Variants in CAMSAP2 observed in about 807,000 individuals in gnomAD.
The protein encoded by CAMSAP2 is calmodulin-regulated spectrin-associated protein 2.
Under a neutral mutation model 146.1 loss-of-function variants are expected in CAMSAP2, and 26 were observed. The observed-to-expected ratio is 0.18, with a 90% CI of 0.13 to 0.25. The LOEUF is 0.25. CAMSAP2 is among the 10% of genes least tolerant of loss of function. The probability of loss-of-function intolerance (pLI) is 1.00; values close to 1 mark genes in which losing one functional copy is unlikely to be tolerated. For synonymous variants in CAMSAP2, 499 were observed against 596.6 expected (o/e 0.84, Z 2.38); for missense variants, 1,381 against 1,759.3 (o/e 0.78, Z 3.85).
chr1:200,778,991 G>A (rs1255422854), intron 2 of CAMSAP2, among the ~76,000 whole-genome samples: 3 of 152,104 alleles, frequency 2.0e-5, no homozygotes, highest in African/African-American at 2.4e-5. Flanking sequence ...TGAACAAATC[G>A]TGGAAGGAAT....
chr1:200,798,133 T>C (rs1188671405), intron 2 of CAMSAP2, among the ~76,000 whole-genome samples: 18 of 150,266 alleles, frequency 1.2e-4, no homozygotes, highest in Non-Finnish European at 2.1e-4. Context: ...TCTTTTGGCT[T>C]AGGATTGACT....
At chr1:200,828,626 C>T in intron 4 of CAMSAP2, 3 of 1,547,226 alleles carry the variant, frequency 1.9e-6, no homozygotes, top group Non-Finnish European at 2.6e-6. Context: ...TCAGCTACTT[C>T]AGTTTGCTCT....
intron 7 of CAMSAP2, among the ~76,000 whole-genome samples, chr1:200,843,570 T>G (rs1299328129): frequency 6.6e-6 from 1 of 152,218 alleles, no homozygotes; most frequent in Non-Finnish European, 1.5e-5. Context: ...TTCACTACAT[T>G]GCTTTCTGTG....
intron 1 of CAMSAP2, among the ~76,000 whole-genome samples, chr1:200,749,926 A>G (rs1664451797): frequency 1.3e-5 from 2 of 152,166 alleles, no homozygotes; most frequent in South Asian, 2.1e-4. Context: ...GGAAGAGAGC[A>G]TGGTTTCCAG....
intron 2 of CAMSAP2, among the ~76,000 whole-genome samples, chr1:200,800,085 C>T (rs1665995143): frequency 6.6e-6 from 1 of 152,108 alleles, no homozygotes; most frequent in African/African-American, 2.4e-5. Flanking sequence ...GTTTTACTTC[C>T]AATTATGTAA....
At chr1:200,806,753 GTGTGTGTGTGTGTA>G (rs1293132146) in intron 2 of CAMSAP2, among the ~76,000 whole-genome samples, 2 of 133,438 alleles carry the variant, frequency 1.5e-5, no homozygotes, top group African/African-American at 5.5e-5. Flanking sequence ...TTGTGTGTGT[GTGTGTGTGTGTGTA>G]TCTATCTATC....
Position 200,857,062 on chromosome 1 carries a change from A to T in CAMSAP2, c.4013-244A>T, listed in dbSNP as rs1311270229. On this transcript the variant is annotated intron_variant, in intron 15 of 16. Coordinates refer to ENST00000358823, the MANE Select transcript of CAMSAP2 (RefSeq NM_203459.4). The surrounding 1 kb of genome is among the most constrained non-coding windows in gnomAD (Gnocchi z 4.7). The stretch of plus-strand genomic sequence containing the variant: ...AATAGGCAGTATGACAGTTATAGCA[A>T]TATTTTATTTTTAGTACTGCTCTCA... Among the ~76,000 whole-genome samples, 1 of 152,190 alleles carries T rather than the reference A, an allele frequency of 6.6e-6. No individual in the cohort carries two copies. The highest frequency in any genetic ancestry group is 2.4e-5 in the African/African-American group (1 of 41,456).
At chr1:200,774,305 T>C (rs933274825) in intron 2 of CAMSAP2, among the ~76,000 whole-genome samples, 1 of 143,170 alleles carries the variant, frequency 7.0e-6, no homozygotes, top group Admixed American at 7.2e-5. Flanking sequence ...GCTTCTGTAA[T>C]AGAAAAAAAA....
intron 1 of CAMSAP2, among the ~76,000 whole-genome samples, chr1:200,744,114 C>T (rs769568300): frequency 6.6e-5 from 10 of 152,022 alleles, no homozygotes; most frequent in Admixed American, 3.3e-4. Flanking sequence ...GGAAAGTGTC[C>T]GGGGACTTAG....
At chr1:200,817,189 C>CGTGTGTGTGTATACACACATACACACAT (rs1666603237) in intron 4 of CAMSAP2, among the ~76,000 whole-genome samples, 1 of 112,046 alleles carries the variant, frequency 8.9e-6, no homozygotes, top group Non-Finnish European at 1.9e-5. Context: ...CACACACACA[C>CGTGTGTGTGTATACACACATACACACAT]ATGTGTGTGT....
chr1:200,790,752 A>G (rs1202101219), intron 2 of CAMSAP2, among the ~76,000 whole-genome samples: 3 of 152,188 alleles, frequency 2.0e-5, no homozygotes, highest in Non-Finnish European at 4.4e-5. Context: ...CAGACCAGAA[A>G]CTAAAGTCTT....
Position 200,844,793 on chromosome 1 carries a change from A to G in CAMSAP2, c.1033A>G (p.Lys345Glu). ...VVRPQGAEPVKDMPSIPVLNA... is the reference protein window; with the variant it reads ...VVRPQGAEPVEDMPSIPVLNA... Reference sequence around the variant, plus strand: ...ATCTTTTATTCCAGCTGAACCTGTAAAAGATATGCCTTCAATTCCTGTCTT... The same window carrying G: ...ATCTTTTATTCCAGCTGAACCTGTAGAAGATATGCCTTCAATTCCTGTCTT... The change falls in exon 8 of 17, where the codon AAA becomes GAA. Residue 345 changes from lysine to glutamate, a missense_variant. Coordinates refer to ENST00000358823, the MANE Select transcript of CAMSAP2 (RefSeq NM_203459.4). The G allele has an allele frequency of 6.3e-7, 1 of 1,584,000 alleles. No individual in the cohort carries two copies. The highest frequency in any genetic ancestry group is 1.2e-5 in the South Asian group (1 of 84,792).
intron 2 of CAMSAP2, among the ~76,000 whole-genome samples, chr1:200,781,060 AT>A (rs968810471): frequency 2.7e-4 from 41 of 152,272 alleles, no homozygotes; most frequent in African/African-American, 9.9e-4. Flanking sequence ...TTTTCAGGGA[AT>A]TTTTTGAGTG....
At chr1:200,845,608 T>G (rs138932370) in intron 8 of CAMSAP2, among the ~76,000 whole-genome samples, 1 of 152,302 alleles carries the variant, frequency 6.6e-6, no homozygotes, top group East Asian at 1.9e-4. Flanking sequence ...TTTAGTGTGG[T>G]AATGGTAATA....
At chr1:200,810,068 C>A (rs1332657874) in intron 3 of CAMSAP2, among the ~76,000 whole-genome samples, 1 of 152,186 alleles carries the variant, frequency 6.6e-6, no homozygotes, top group Non-Finnish European at 1.5e-5. Flanking sequence ...GATTAAGTTT[C>A]AACATGAATT....
chr1:200,796,709 T>C (rs1665894038), intron 2 of CAMSAP2, among the ~76,000 whole-genome samples: 1 of 151,848 alleles, frequency 6.6e-6, no homozygotes, highest in Non-Finnish European at 1.5e-5. Flanking sequence ...TTAGGGTACA[T>C]GTGCACATTG....
intron 3 of CAMSAP2, among the ~76,000 whole-genome samples, chr1:200,813,035 G>A (rs1295925980): frequency 6.6e-6 from 1 of 152,118 alleles, no homozygotes; most frequent in Non-Finnish European, 1.5e-5. Context: ...TAGTCTGTTT[G>A]GGTTGTTATA....
At chr1:200,808,324 C>T (rs1666236502) in intron 3 of CAMSAP2, among the ~76,000 whole-genome samples, 1 of 152,152 alleles carries the variant, frequency 6.6e-6, no homozygotes, top group Admixed American at 6.5e-5. Flanking sequence ...TTATCACTCC[C>T]TTTGCCAATT....
intron 4 of CAMSAP2, 23 bp downstream of exon 4, chr1:200,815,667 G>A (rs778275266): frequency 6.6e-6 from 9 of 1,354,954 alleles, no homozygotes; most frequent in Non-Finnish European, 9.1e-6. Flanking sequence ...AAAACAAAAA[G>A]GTGCCTTTAT....
Sources: allele counts gnomAD v4.1 joint callset (sites outside exome capture counted in the v4.1 genomes callset), GRCh38; gene constraint gnomAD v4.1.1; non-coding constraint Gnocchi (gnomAD v3.1); transcripts MANE v1.5; gene names NCBI Gene and HGNC (gene_info 2026-07-23, HGNC 2026-07-21).